Variants in RDX observed in about 807,000 individuals in gnomAD.
The protein encoded by RDX is radixin.
A neutral mutation model predicts 83.7 loss-of-function variants in RDX; 32 were observed. The observed-to-expected ratio is 0.38, with a 90% CI of 0.29 to 0.51. RDX has a LOEUF of 0.51. RDX is among the 20% of genes least tolerant of loss of function. The pLI, the probability that RDX is intolerant of heterozygous loss-of-function variation, is 0.87. For missense variants in RDX, 600 were observed against 689.9 expected, an observed-to-expected ratio of 0.87 and a Z score of 1.46; for synonymous variants, 229 against 222.7, an observed-to-expected ratio of 1.03 and a Z score of -0.25.
chr11:110,204,874 A>G (rs1227183129), intron 14 of RDX, among the ~76,000 whole-genome samples: 1 of 152,202 alleles, frequency 6.6e-6, no homozygotes, highest in African/African-American at 2.4e-5. Context: ...AAAAGTCCCC[A>G]AAGTATTTTT....
At chr11:110,211,554 C>T (rs1863839134) in intron 14 of RDX, among the ~76,000 whole-genome samples, 1 of 151,542 alleles carries the variant, frequency 6.6e-6, no homozygotes, top group Admixed American at 6.6e-5. Context: ...CCACACCACA[C>T]CTATTCCAAA....
At chr11:110,211,252 A>G (rs1450974081) in intron 14 of RDX, among the ~76,000 whole-genome samples, 1 of 152,236 alleles carries the variant, frequency 6.6e-6, no homozygotes, top group Non-Finnish European at 1.5e-5. Context: ...ATTACATAAT[A>G]GTAAAGGGAT....
At chr11:110,255,503 T>G in intron 7 of RDX, 118 bp from the exon 8 acceptor site, 1 of 669,444 alleles carries the variant, frequency 1.5e-6, no homozygotes, top group Non-Finnish European at 2.7e-6. Flanking sequence ...CAAAATGTAT[T>G]AACTTATTCA....
chr11:110,246,056 C>T (rs1399451031), intron 10 of RDX, among the ~76,000 whole-genome samples: 1 of 152,134 alleles, frequency 6.6e-6, no homozygotes, highest in Admixed American at 6.5e-5. Context: ...TGCCACCACA[C>T]CTAGCTCACT....
rs776729174 is a variant in RDX at position 110,237,510 on chromosome 11, C to G, written c.1233G>C (p.Met411Ile). 2 of 1,612,508 alleles carry G rather than the reference C, an allele frequency of 1.2e-6. No individual in the cohort carries two copies. Among genetic ancestry groups the G allele is most frequent in the African/African-American group, 2.7e-5 (2 of 74,878 alleles). Residue 411 changes from methionine (M) to isoleucine (I), a missense_variant, in exon 11 of 14, where the codon ATG becomes ATC. By Grantham distance (10) the Met-to-Ile change is conservative (BLOSUM62 1). Transcript: ENST00000645495. ...TCCTTACTAGCTGCTCCTGATTCTT[C>G]ATCTGGTCGGCAGCTTGTTTTGCTA... is the stretch of plus-strand genomic sequence containing the variant. The part of the protein sequence containing the change: ...SAIAKQAADQ[M>I]KNQEQLAAEL...
intron 1 of RDX, among the ~76,000 whole-genome samples, chr11:110,290,941 C>A (rs561416675): frequency 9.9e-5 from 15 of 152,110 alleles, no homozygotes; most frequent in Non-Finnish European, 1.6e-4. Context: ...TTGGTACCTA[C>A]AAAGATATGA....
intron 10 of RDX, among the ~76,000 whole-genome samples, chr11:110,245,446 C>T (rs897486171): frequency 6.6e-6 from 1 of 152,002 alleles, no homozygotes; most frequent in Admixed American, 6.6e-5. Flanking sequence ...CAAAAGAACC[C>T]ACCTAGAAAT....
At chr11:110,252,614 G>A (rs1859382041) in intron 9 of RDX, among the ~76,000 whole-genome samples, 1 of 152,020 alleles carries the variant, frequency 6.6e-6, no homozygotes, top group African/African-American at 2.4e-5. Context: ...TTTGACAGAG[G>A]GAAATGCAAG....
chr11:110,293,163 A>T (rs1226160181), intron 1 of RDX, among the ~76,000 whole-genome samples: 1 of 152,236 alleles, frequency 6.6e-6, no homozygotes, highest in East Asian at 1.9e-4. Context: ...ACCCTATTTT[A>T]ACAAGACTTT....
intron 1 of RDX, among the ~76,000 whole-genome samples, chr11:110,289,238 CAAAAA>C (rs753424624): frequency 1.8e-5 from 1 of 54,360 alleles, no homozygotes. Flanking sequence ...AACTCTATCT[CAAAAA>C]AAAAAAAAAA....
At chr11:110,262,925 G>C (rs1302703270) in intron 5 of RDX, among the ~76,000 whole-genome samples, 1 of 152,142 alleles carries the variant, frequency 6.6e-6, no homozygotes, top group Non-Finnish European at 1.5e-5. Context: ...CTGTAGATAA[G>C]AACAATGCAC....
chr11:110,240,606 G>A (rs1184295555), intron 10 of RDX, among the ~76,000 whole-genome samples: 7 of 151,784 alleles, frequency 4.6e-5, no homozygotes, highest in African/African-American at 1.5e-4. Flanking sequence ...TTAGCCGGGC[G>A]TGGTAGCGGG....
intron 15 of RDX, among the ~76,000 whole-genome samples, chr11:110,187,258 G>A (rs1397099053): frequency 6.6e-6 from 1 of 152,164 alleles, no homozygotes; most frequent in African/African-American, 2.4e-5. Context: ...AGTCCTTGGT[G>A]TAGCGGGGCC....
rs200327734 is a variant in RDX at position 110,277,676 on chromosome 11, T to TA, written c.12+2004dup. Among the ~76,000 whole-genome samples the TA allele has an allele frequency of 1.8e-3, 256 of 140,986 alleles. 1 individual carries two copies. The highest frequency in any genetic ancestry group is 1.7e-3 in the Admixed American group (24 of 14,036). The allele number at this position is 140,986 out of a possible 152,430, so 92.5% of individuals were successfully genotyped here. Reference sequence around the variant, plus strand: ...ATATCTGCTCAAATATTTTGTCCACTAAAAAAAAAAAAAATCTGAGTTGTG... The same window carrying TA: ...ATATCTGCTCAAATATTTTGTCCACTAAAAAAAAAAAAAAATCTGAGTTGTG... On this transcript the variant is annotated intron_variant, in intron 2 of 13. Coordinates refer to ENST00000645495, the MANE Select transcript of RDX (RefSeq NM_002906.4).
chr11:110,243,311 A>G (rs1231673580), intron 10 of RDX, among the ~76,000 whole-genome samples: 1 of 152,204 alleles, frequency 6.6e-6, no homozygotes, highest in African/African-American at 2.4e-5. Context: ...CTGTATATTC[A>G]CTATATACTC....
intron 14 of RDX, among the ~76,000 whole-genome samples, chr11:110,222,762 CTCCA>C (rs1244849251): frequency 6.6e-6 from 1 of 151,952 alleles, no homozygotes; most frequent in African/African-American, 2.4e-5. Context: ...CTCCACTGCA[CTCCA>C]TCCAGCCTGG....
At chr11:110,233,809 G>C (rs952618062) in intron 12 of RDX, among the ~76,000 whole-genome samples, 4 of 152,146 alleles carry the variant, frequency 2.6e-5, no homozygotes, top group Non-Finnish European at 5.9e-5. Flanking sequence ...ATGAGAAATA[G>C]ATATTCATAT....
rs17854426 is a variant in RDX at position 110,254,070 on chromosome 11, G to A, written c.835C>T (p.Arg279Trp). The A allele has an allele frequency of 1.5e-5, 24 of 1,613,390 alleles. No individual in the cohort carries two copies. Among genetic ancestry groups the A allele is most frequent in the South Asian group, 7.7e-5 (7 of 91,068 alleles). The change falls in exon 9 of 14, where the codon CGG becomes TGG. Residue 279 changes from arginine (R) to tryptophan (W), a missense_variant. By Grantham distance (101) the Arg-to-Trp change is moderately radical. Coordinates refer to ENST00000645495, the MANE Select transcript of RDX (RefSeq NM_002906.4). The stretch of plus-strand genomic sequence containing the variant: ...TTTCCCATACATAAGGCCAAAATCC[G>A]CTTATTGATTCTCAGACGAGGTGCA... Reference protein sequence around the residue: ...FYAPRLRINKRILALCMGNHE... With the variant: ...FYAPRLRINKWILALCMGNHE...
intron 2 of RDX, 174 bp from the exon 3 acceptor site, chr11:110,272,793 C>T (rs1453273011): frequency 6.7e-6 from 4 of 601,262 alleles, no homozygotes; most frequent in African/African-American, 1.9e-5. Flanking sequence ...CTATTGAATA[C>T]TTAACATATA....
Sources: allele counts gnomAD v4.1 joint callset (sites outside exome capture counted in the v4.1 genomes callset), GRCh38; gene constraint gnomAD v4.1.1; transcripts MANE v1.5; gene names NCBI Gene and HGNC (gene_info 2026-07-23, HGNC 2026-07-21).